DLG2: variants seen among roughly 807,000 people sequenced by gnomAD.
DLG2 encodes the protein discs large MAGUK scaffold protein 2.
A neutral mutation model predicts 132.5 loss-of-function variants in DLG2; 45 were observed. That is an observed-to-expected ratio of 0.34 (90% CI 0.27 to 0.44). DLG2 has a LOEUF of 0.44. DLG2 is among the 20% of genes least tolerant of loss of function. DLG2 has a pLI of 1.00. For synonymous variants in DLG2, 424 were observed against 419.6 expected (o/e 1.01, Z -0.13); for missense variants, 1,045 against 1,196.9 (o/e 0.87, Z 1.87).
chr11:84,862,828 GGT>G (rs2083955927), intron 6 of DLG2, among the ~76,000 whole-genome samples: 13 of 129,984 alleles, frequency 1.0e-4, no homozygotes, highest in African/African-American at 2.0e-4. Flanking sequence ...GGGGGGGGGG[GGT>G]GGGGGACTAG....
intron 3 of DLG2, among the ~76,000 whole-genome samples, chr11:85,466,138 C>A (rs887530003): frequency 6.6e-6 from 1 of 152,162 alleles, no homozygotes; most frequent in African/African-American, 2.4e-5. Context: ...CCTTTGCCCA[C>A]TTTTTGATGG....
intron 7 of DLG2, among the ~76,000 whole-genome samples, chr11:84,393,995 C>T (rs2098802119): frequency 6.6e-6 from 1 of 152,104 alleles, no homozygotes; most frequent in South Asian, 2.1e-4. Flanking sequence ...AAGCAATTCT[C>T]CTGCCTCAGC....
intron 11 of DLG2, among the ~76,000 whole-genome samples, chr11:83,989,886 T>C (rs911549176): frequency 1.3e-5 from 2 of 152,284 alleles, no homozygotes; most frequent in East Asian, 3.9e-4. Context: ...GGGGAAGTGA[T>C]AGTTTTGTAA....
chr11:83,522,914 G>A (rs936177773), intron 21 of DLG2, among the ~76,000 whole-genome samples: 2 of 150,646 alleles, frequency 1.3e-5, no homozygotes, highest in African/African-American at 4.9e-5. Context: ...TATTACACGT[G>A]CTATTATTTT....
At chr11:84,256,143 T>C (rs1489985321) in intron 7 of DLG2, among the ~76,000 whole-genome samples, 2 of 152,180 alleles carry the variant, frequency 1.3e-5, no homozygotes, top group East Asian at 3.9e-4. Flanking sequence ...TTTTTTTGCT[T>C]GCTTCCAAGA....
intron 4 of DLG2, among the ~76,000 whole-genome samples, chr11:85,259,923 A>G (rs2076856629): frequency 6.6e-6 from 1 of 152,162 alleles, no homozygotes; most frequent in South Asian, 2.1e-4. Flanking sequence ...CAGGTAGGCC[A>G]TCCAATATGT....
intron 4 of DLG2, among the ~76,000 whole-genome samples, chr11:85,166,281 C>G (rs1200235288): frequency 6.6e-6 from 1 of 152,140 alleles, no homozygotes; most frequent in Non-Finnish European, 1.5e-5. Flanking sequence ...TCACTACTCA[C>G]TACTCAATGA....
chr11:84,179,874 TAGAC>T (rs2096071185), intron 8 of DLG2, among the ~76,000 whole-genome samples: 10 of 152,198 alleles, frequency 6.6e-5, no homozygotes, highest in Admixed American at 6.5e-4. Flanking sequence ...AGAATCCAGA[TAGAC>T]AAACTCACCA....
At chr11:85,503,713 A>G (rs1474121867) in intron 3 of DLG2, among the ~76,000 whole-genome samples, 1 of 152,034 alleles carries the variant, frequency 6.6e-6, no homozygotes, top group East Asian at 1.9e-4. Flanking sequence ...GGGAGGACAG[A>G]TTGAGTTCAG....
At chr11:85,570,817 C>G (rs751647914) in intron 3 of DLG2, among the ~76,000 whole-genome samples, 1 of 152,094 alleles carries the variant, frequency 6.6e-6, no homozygotes, top group Admixed American at 6.6e-5. Flanking sequence ...CTCTGTTCCT[C>G]AAATTGCATA....
At chr11:84,549,830 T>C (rs752617072) in intron 6 of DLG2, among the ~76,000 whole-genome samples, 8 of 152,096 alleles carry the variant, frequency 5.3e-5, no homozygotes, top group Non-Finnish European at 1.0e-4. Context: ...CTCAGCTCAC[T>C]GCAACCTCCG....
At chr11:84,189,128 CT>C (rs1394744801) in intron 8 of DLG2, among the ~76,000 whole-genome samples, 2 of 152,144 alleles carry the variant, frequency 1.3e-5, no homozygotes, top group Non-Finnish European at 2.9e-5. Flanking sequence ...ATGCTAACGT[CT>C]TACTGCTTAA....
intron 6 of DLG2, among the ~76,000 whole-genome samples, chr11:84,680,714 A>C (rs1295071227): frequency 2.0e-5 from 3 of 152,180 alleles, no homozygotes; most frequent in Non-Finnish European, 4.4e-5. Flanking sequence ...TAGCCTCTCC[A>C]TAGAGCAGAA....
intron 9 of DLG2, among the ~76,000 whole-genome samples, chr11:84,125,944 C>T (rs1054492348): frequency 3.9e-5 from 6 of 152,018 alleles, no homozygotes; most frequent in Admixed American, 1.3e-4. Context: ...AATCAAGATA[C>T]CTTTGATTCT....
chr11:84,160,283 C>T (rs1178237284), intron 9 of DLG2, among the ~76,000 whole-genome samples: 1 of 152,092 alleles, frequency 6.6e-6, no homozygotes, highest in Admixed American at 6.6e-5. Context: ...TGAGAAAGGG[C>T]AGCCATTGAG....
chr11:84,579,611 G>A (rs572275963), intron 6 of DLG2, among the ~76,000 whole-genome samples: 2 of 152,256 alleles, frequency 1.3e-5, no homozygotes, highest in South Asian at 4.1e-4. Context: ...AAGAATATGG[G>A]GAGGTTGGCA....
chr11:85,230,799 G>T (rs1377520026), intron 4 of DLG2, among the ~76,000 whole-genome samples: 2 of 151,810 alleles, frequency 1.3e-5, no homozygotes, highest in Non-Finnish European at 2.9e-5. Context: ...AGGCCTTTAG[G>T]TCATGAAGGT....
chr11:83,630,536 T>C (rs935136966), intron 19 of DLG2, among the ~76,000 whole-genome samples: 1 of 152,216 alleles, frequency 6.6e-6, no homozygotes, highest in African/African-American at 2.4e-5. Context: ...GCACAGTTTA[T>C]CCTGTGCAAA....
rs550481926 is a variant in DLG2, at chr11:84,943,300, AT to A, written c.357+168360del. Among the ~76,000 whole-genome samples the A allele has an allele frequency of 1.3e-3, 201 of 151,516 alleles. 1 individual carries two copies. The highest frequency in any genetic ancestry group is 4.7e-3 in the African/African-American group (196 of 41,290). On this transcript the variant is annotated intron_variant, in intron 6 of 27. Transcript: ENST00000376104. ...GAAGGCTTATTCCTGTCAATTTGTT[AT>A]TTGTTTTTTGGTTGTTTTGTAGTCA...
Sources: allele counts gnomAD v4.1 joint callset (sites outside exome capture counted in the v4.1 genomes callset), GRCh38; gene constraint gnomAD v4.1.1; transcripts MANE v1.5; gene names NCBI Gene and HGNC (gene_info 2026-07-23, HGNC 2026-07-21).